KSR1: variants seen among roughly 807,000 people sequenced by gnomAD.
The protein encoded by KSR1 is kinase suppressor of ras.
A neutral mutation model predicts 92.9 loss-of-function variants in KSR1; 35 were observed. That is an observed-to-expected ratio of 0.38 (90% CI 0.29 to 0.50). The LOEUF is 0.50. KSR1 is among the 20% of genes least tolerant of loss of function. The probability of loss-of-function intolerance (pLI) is 0.94; values close to 1 mark genes in which losing one functional copy is unlikely to be tolerated. For synonymous variants in KSR1, 467 were observed against 472.6 expected, an observed-to-expected ratio of 0.99 and a Z score of 0.15; for missense variants, 972 against 1,158.5, an observed-to-expected ratio of 0.84 and a Z score of 2.34.
chr17:27,618,178 T>C (rs1189595521), intron 19 of KSR1, among the ~76,000 whole-genome samples: 5 of 152,058 alleles, frequency 3.3e-5, no homozygotes, highest in Admixed American at 6.6e-5. Context: ...CCACCTCTTA[T>C]GGGGACCACA....
intron 9 of KSR1, among the ~76,000 whole-genome samples, chr17:27,595,239 G>C (rs990624498): frequency 6.6e-6 from 1 of 152,212 alleles, no homozygotes; most frequent in Non-Finnish European, 1.5e-5. Flanking sequence ...TCAGATCCAG[G>C]GTCCTGCCTA....
At chr17:27,602,025 C>A in intron 11 of KSR1, 2 of 1,071,558 alleles carry the variant, frequency 1.9e-6, no homozygotes, top group Non-Finnish European at 1.4e-6. Context: ...CCAACCTTTT[C>A]ATTCCTGCCC....
chr17:27,508,094 GC>G (rs1217830599), intron 1 of KSR1, among the ~76,000 whole-genome samples: 1 of 152,112 alleles, frequency 6.6e-6, no homozygotes, highest in African/African-American at 2.4e-5. Context: ...AGGAGCAAGT[GC>G]CCTGGGCAGT....
At chr17:27,542,178 G>A (rs997261767) in intron 1 of KSR1, among the ~76,000 whole-genome samples, 3 of 152,154 alleles carry the variant, frequency 2.0e-5, no homozygotes, top group Admixed American at 2.0e-4. Flanking sequence ...AATTTTCACT[G>A]ACAATCCAGG....
At chr17:27,607,353 T>C (rs2073786504) in intron 14 of KSR1, among the ~76,000 whole-genome samples, 1 of 152,136 alleles carries the variant, frequency 6.6e-6, no homozygotes, top group Non-Finnish European at 1.5e-5. Context: ...CACCCGGGGT[T>C]TTAGGAGTTG....
At chr17:27,526,307 A>G in intron 1 of KSR1, 1 of 994,508 alleles carries the variant, frequency 1.0e-6, no homozygotes, top group Non-Finnish European at 1.5e-6. Context: ...TCGCTCTGTT[A>G]CAGGTTACTG....
Position 27,560,176 on chromosome 17 carries a change from C to T in KSR1, c.372+9468C>T, listed in dbSNP as rs1269990539. 10 of 312,644 alleles carry T rather than the reference C, an allele frequency of 3.2e-5. No homozygotes were observed. In the East Asian group the frequency reaches 5.0e-4, roughly 16 times the overall value. The allele number at this position is 312,644 out of a possible 1,614,324, so 19.4% of individuals were successfully genotyped here. On this transcript the variant is annotated intron_variant, in intron 2 of 20. Transcript: ENST00000644974. ...ATTTGCACACTATGGCTGTTTCAAG[C>T]GGCCCCCTGTCCCACAAGTTACGTC...
intron 1 of KSR1, among the ~76,000 whole-genome samples, chr17:27,457,649 T>C (rs1480635042): frequency 2.0e-5 from 3 of 152,124 alleles, no homozygotes; most frequent in Non-Finnish European, 2.9e-5. Context: ...TCTCAAATTA[T>C]AGCTGGGGAA....
chr17:27,584,370 G>A lies in KSR1; in HGVS notation c.980+1265G>A, dbSNP rs1364647734. 5.3e-5 allele frequency among the ~76,000 whole-genome samples: 8 copies of A among 152,250 alleles called. No individual in the cohort carries two copies. In the South Asian group the frequency reaches 1.0e-3, roughly 20 times the overall value. ...TATGGGATGGAGCCTGGACAGCTCC[G>A]ATGGGTTTGAGTATGCTGCCCAAGG... On this transcript the variant is annotated intron_variant, in intron 4 of 20. Transcript: ENST00000644974.
rs769105233 is a variant in KSR1 at position 27,456,677 on chromosome 17, G to C, written c.34G>C (p.Gly12Arg). 2.6e-5 allele frequency: 18 copies of C among 690,378 alleles called. No individual in the cohort carries two copies. The highest frequency in any genetic ancestry group is 2.0e-4 in the South Asian group (12 of 60,880). 42.8% of individuals were successfully genotyped at this position (690,378 alleles called of 1,614,324 possible). Residue 12 changes from glycine to arginine, a missense_variant, in exon 1 of 21, where the codon GGA (glycine) becomes CGA (arginine). Physicochemically the swap from Gly to Arg is moderately radical, Grantham distance 125. Coordinates refer to ENST00000644974, the MANE Select transcript of KSR1 (RefSeq NM_001394583.1). ...AGCAGCGCTGCGCGCGGCGGCGATG[G>C]GAGAGAAGAAGGAGGGCGGTGGCGG... is the stretch of plus-strand genomic sequence containing the variant. ...DRAALRAAAM[G>R]EKKEGGGGGD...
rs903278655 is a variant in KSR1, at chr17:27,537,605, G to A, written c.232-12963G>A. 1.2e-4 allele frequency among the ~76,000 whole-genome samples: 18 copies of A among 152,164 alleles called. 1 individual carries two copies. Among genetic ancestry groups the A allele is most frequent in the Non-Finnish European group, 2.4e-4 (16 of 68,032 alleles). ...ACTTGGGAGGCTGAGGTGGGAGATCGCTTGAACCCGGGAGGCGGAGGTTGC... is the reference window on the plus strand; with the variant it reads ...ACTTGGGAGGCTGAGGTGGGAGATCACTTGAACCCGGGAGGCGGAGGTTGC... On this transcript the variant is annotated intron_variant, in intron 1 of 20. Transcript: ENST00000644974.
Position 27,577,851 on chromosome 17 carries a change from AG to A in KSR1, c.520+216del. 1.5e-6 allele frequency: 1 copy of A among 686,780 alleles called. No individual in the cohort carries two copies. The highest frequency in any genetic ancestry group is 2.6e-6 in the Non-Finnish European group (1 of 377,816). 42.5% of individuals were successfully genotyped at this position (686,780 alleles called of 1,614,324 possible). The stretch of plus-strand genomic sequence containing the variant: ...GGTGGGTCTGGCCAGGCCGAATCTG[AG>A]GGGTTTCAGCCATGGTTAGAAATCC... On this transcript the variant is annotated intron_variant, in intron 3 of 20. Coordinates refer to ENST00000644974, the MANE Select transcript of KSR1 (RefSeq NM_001394583.1). The surrounding 1 kb of genome is among the most constrained non-coding windows in gnomAD (Gnocchi z 4.5).
At chr17:27,571,883 C>T (rs2072323644) in intron 2 of KSR1, among the ~76,000 whole-genome samples, 1 of 152,236 alleles carries the variant, frequency 6.6e-6, no homozygotes, top group Non-Finnish European at 1.5e-5. Context: ...CTCTCAGTGT[C>T]AGCAGGCCCA....
Position 27,588,460 on chromosome 17 carries a change from C to A in KSR1, c.986-15C>A, listed in dbSNP as rs1158883213. On this transcript the variant is annotated splice_polypyrimidine_tract_variant and intron_variant, in intron 5 of 20. Coordinates refer to ENST00000644974, the MANE Select transcript of KSR1 (RefSeq NM_001394583.1). ...GGAGTTCCTCAGCCTGCCCATCCGG[C>A]CTCTTTCCCTGCAGATCTCTCGCAT... 1 of 1,567,340 alleles carries A rather than the reference C, an allele frequency of 6.4e-7. No individual in the cohort carries two copies. The highest frequency in any genetic ancestry group is 8.6e-7 in the Non-Finnish European group (1 of 1,156,118).
chr17:27,501,283 TCTTTTCTTC>T (rs2069171016), intron 1 of KSR1, among the ~76,000 whole-genome samples: 4 of 136,526 alleles, frequency 2.9e-5, no homozygotes, highest in Admixed American at 8.0e-5. Context: ...TTTTTTAATT[TCTTTTCTTC>T]TTTTTTTTTT....
chr17:27,624,812 GA>G lies in KSR1; in HGVS notation c.*1421del, dbSNP rs2074304477. On this transcript the variant is annotated 3_prime_UTR_variant, in exon 21 of 21. Coordinates refer to ENST00000644974, the MANE Select transcript of KSR1 (RefSeq NM_001394583.1). ...TGTGGCTCCCACCCCTTCCAGTTAA[GA>G]CCTGCCTAGCAGAGCCCCAGTCTCC... 1 of 152,112 alleles carries G rather than the reference GA, an allele frequency of 6.6e-6. No homozygotes were observed. Among genetic ancestry groups the G allele is most frequent in the South Asian group, 2.1e-4 (1 of 4,824 alleles). 9.4% of individuals were successfully genotyped at this position (152,112 alleles called of 1,614,324 possible). A position where few individuals can be genotyped will look rare whatever the true frequency, so the allele number is the denominator to read the frequency against.
intron 5 of KSR1, 44 bp from the exon 6 acceptor site, chr17:27,588,431 C>T (rs1198858230): frequency 1.9e-5 from 29 of 1,535,810 alleles, no homozygotes; most frequent in Non-Finnish European, 2.6e-5. Context: ...GAGCTGTCGC[C>T]TGCGGAGTTC....
At chr17:27,507,563 CTTTTTTTTTTT>C (rs751092460) in intron 1 of KSR1, among the ~76,000 whole-genome samples, 20 of 43,324 alleles carry the variant, frequency 4.6e-4, no homozygotes, top group African/African-American at 1.7e-3. Flanking sequence ...TATTGTTTGG[CTTTTTTTTTTT>C]TTTTTTTTTT....
rs2070314005 is a variant in KSR1, at chr17:27,526,681, T to C, written c.232-23887T>C. On this transcript the variant is annotated intron_variant, in intron 1 of 20. Coordinates refer to ENST00000644974, the MANE Select transcript of KSR1 (RefSeq NM_001394583.1). The stretch of plus-strand genomic sequence containing the variant: ...TTTTGCTCATGTAGTTTTTATTGGC[T>C]GTTATTCTGACAGCTGAACACGAGG... The C allele has an allele frequency of 3.3e-6, 5 of 1,536,812 alleles. No homozygotes were observed. The South Asian group carries it at 5.6e-5, about 17-fold the overall frequency.
Sources: allele counts gnomAD v4.1 joint callset (sites outside exome capture counted in the v4.1 genomes callset), GRCh38; gene constraint gnomAD v4.1.1; non-coding constraint Gnocchi (gnomAD v3.1); transcripts MANE v1.5; gene names NCBI Gene and HGNC (gene_info 2026-07-23, HGNC 2026-07-21).